Variants in WWOX observed in about 807,000 individuals in gnomAD.
WWOX encodes WW domain containing oxidoreductase, also known as WW domain-containing oxidoreductase.
WWOX carries 69 observed loss-of-function variants against 46.2 expected under a neutral mutation model. That is an observed-to-expected ratio of 1.49 (90% CI 1.23 to 1.82). The LOEUF (loss-of-function observed/expected upper bound fraction) is 1.82. Among genes scored for constraint, WWOX ranks in the 40% most tolerant of loss-of-function variants. The probability of loss-of-function intolerance (pLI) is 0.00; values close to 1 mark genes in which losing one functional copy is unlikely to be tolerated. For synonymous variants in WWOX, 359 were observed against 202.6 expected (o/e 1.77, Z -6.56); for missense variants, 919 against 542.6 (o/e 1.69, Z -6.89).
intron 5 of WWOX, among the ~76,000 whole-genome samples, chr16:78,266,889 A>C (rs1465909041): frequency 1.4e-4 from 20 of 145,250 alleles, no homozygotes; most frequent in Admixed American, 2.2e-4. Context: ...TCCAAATCTC[A>C]ACTTGAATTG....
intron 5 of WWOX, among the ~76,000 whole-genome samples, chr16:78,232,084 A>G (rs755971194): frequency 6.6e-5 from 10 of 152,286 alleles, no homozygotes; most frequent in East Asian, 1.9e-4. Context: ...CAGAGAATAT[A>G]TATAAAATGG....
At chr16:78,525,974 C>G (rs1353278041) in intron 8 of WWOX, 1 of 152,114 alleles carries the variant, frequency 6.6e-6, no homozygotes, top group East Asian at 1.9e-4. Flanking sequence ...TTTATGGTTG[C>G]AGAGCACATG....
chr16:78,887,621 T>C (rs1212202326), intron 8 of WWOX, among the ~76,000 whole-genome samples: 1 of 152,170 alleles, frequency 6.6e-6, no homozygotes, highest in African/African-American at 2.4e-5. Flanking sequence ...TCAGCCAATG[T>C]GTAAGTACAA....
At chr16:78,441,045 C>T (rs940960072) in intron 8 of WWOX, among the ~76,000 whole-genome samples, 6 of 152,124 alleles carry the variant, frequency 3.9e-5, no homozygotes, top group South Asian at 2.1e-4. Context: ...CAGGTTCAAG[C>T]GATTCTCCTG....
At chr16:78,387,061 C>T in intron 6 of WWOX, 113 bp downstream of exon 6, 1 of 1,059,068 alleles carries the variant, frequency 9.4e-7, no homozygotes, top group Non-Finnish European at 1.4e-6. Context: ...GGCGTCCAAA[C>T]AGGAGGCTCA....
At chr16:78,267,989 T>C (rs904494599) in intron 5 of WWOX, among the ~76,000 whole-genome samples, 3 of 152,076 alleles carry the variant, frequency 2.0e-5, no homozygotes, top group African/African-American at 7.2e-5. Context: ...GGCTAAGTTT[T>C]TGTACTTTTA....
chr16:78,535,632 C>A (rs1030796088), intron 8 of WWOX: 1 of 152,208 alleles, frequency 6.6e-6, no homozygotes, highest in Non-Finnish European at 1.5e-5. Context: ...TACCTTCTGA[C>A]TGTTAGTGAA....
At chr16:78,559,494 C>T (rs767256982) in intron 8 of WWOX, among the ~76,000 whole-genome samples, 1 of 152,166 alleles carries the variant, frequency 6.6e-6, no homozygotes, top group Non-Finnish European at 1.5e-5. Context: ...AATGAATGAA[C>T]TTTTTCCCTT....
chr16:78,981,070 C>G (rs2046671997), intron 8 of WWOX, among the ~76,000 whole-genome samples: 1 of 152,172 alleles, frequency 6.6e-6, no homozygotes, highest in Admixed American at 6.5e-5. Context: ...TTTGCAGACC[C>G]CTGGGAGCCT....
chr16:78,908,203 C>T (rs1407223669), intron 8 of WWOX, among the ~76,000 whole-genome samples: 1 of 152,080 alleles, frequency 6.6e-6, no homozygotes, highest in Non-Finnish European at 1.5e-5. Flanking sequence ...TTGCCCGCTG[C>T]CTAAGCAAAG....
chr16:78,554,265 A>G (rs2044237684), intron 8 of WWOX, among the ~76,000 whole-genome samples: 1 of 152,280 alleles, frequency 6.6e-6, no homozygotes, highest in Middle Eastern at 3.4e-3. Context: ...CAAGATTTTC[A>G]CTATCAGTGG....
intron 8 of WWOX, among the ~76,000 whole-genome samples, chr16:78,600,957 G>A (rs1387517236): frequency 6.6e-6 from 1 of 152,154 alleles, no homozygotes; most frequent in Non-Finnish European, 1.5e-5. Flanking sequence ...CTGGGCAAGA[G>A]ACTGCCTTTC....
intron 8 of WWOX, chr16:78,552,267 A>G (rs2044192491): frequency 6.6e-6 from 1 of 152,200 alleles, no homozygotes; most frequent in African/African-American, 2.4e-5. Context: ...GTAAACTGTC[A>G]TCTGATTTAC....
At chr16:78,420,757 A>G (rs367892301) in intron 6 of WWOX, among the ~76,000 whole-genome samples, 3 of 151,948 alleles carry the variant, frequency 2.0e-5, no homozygotes, top group African/African-American at 7.3e-5. Flanking sequence ...ATACATAGGT[A>G]GATTTTATGG....
chr16:78,821,569 C>T (rs989998393), intron 8 of WWOX, among the ~76,000 whole-genome samples: 7 of 152,190 alleles, frequency 4.6e-5, no homozygotes, highest in Non-Finnish European at 1.5e-5. Context: ...GTCCCAGGGT[C>T]AAGCTCAGAT....
At chr16:78,622,268 C>G (rs535936741) in intron 8 of WWOX, among the ~76,000 whole-genome samples, 2 of 151,864 alleles carry the variant, frequency 1.3e-5, no homozygotes. Flanking sequence ...TGTGGCTGGT[C>G]GCAGTGGCTC....
intron 5 of WWOX, among the ~76,000 whole-genome samples, chr16:78,239,999 T>C (rs76654022): frequency 5.2e-5 from 1 of 19,240 alleles, no homozygotes; most frequent in Non-Finnish European, 1.1e-4. Context: ...TCAGTGTGGG[T>C]GTGAGTTGCA....
intron 8 of WWOX, among the ~76,000 whole-genome samples, chr16:78,471,781 C>T (rs1034697390): frequency 3.9e-5 from 6 of 152,080 alleles, no homozygotes; most frequent in South Asian, 2.1e-4. Context: ...AAAATAATAA[C>T]GATGATTTTT....
At chr16:78,432,286 A>G (rs1371041993) in intron 7 of WWOX, among the ~76,000 whole-genome samples, 1 of 151,830 alleles carries the variant, frequency 6.6e-6, no homozygotes, top group Non-Finnish European at 1.5e-5. Flanking sequence ...TTGTATTTTT[A>G]GTAGAGATGG....
Sources: gnomAD v4.1 joint callset for allele counts (sites outside exome capture counted in the v4.1 genomes callset) on GRCh38, gnomAD v4.1.1 for gene constraint, MANE v1.5 for transcripts, NCBI Gene and HGNC (gene_info 2026-07-23, HGNC 2026-07-21) for gene names.